MIPOL1: variants seen among roughly 807,000 people sequenced by gnomAD.
The protein encoded by MIPOL1 is mirror-image polydactyly gene 1 protein.
Under a neutral mutation model 60.9 loss-of-function variants are expected in MIPOL1, and 57 were observed. The observed-to-expected ratio is 0.94, with a 90% confidence interval of 0.76 to 1.17. The LOEUF (loss-of-function observed/expected upper bound fraction) is 1.17, where lower values mean the gene tolerates loss of function less well. Ranked by LOEUF, MIPOL1 falls within the 50% of genes most tolerant of loss-of-function variation. The probability of loss-of-function intolerance (pLI) is 0.00; values close to 1 mark genes in which losing one functional copy is unlikely to be tolerated. For synonymous variants in MIPOL1, 179 were observed against 168.8 expected (o/e 1.06, Z -0.47); for missense variants, 551 against 511.6 (o/e 1.08, Z -0.74).
chr14:37,235,185 T>G (rs192571557), intron 1 of MIPOL1, among the ~76,000 whole-genome samples: 1 of 152,130 alleles, frequency 6.6e-6, no homozygotes, highest in African/African-American at 2.4e-5. Flanking sequence ...TTGTTCTCTC[T>G]TGTTCCATAC....
At position 37,244,104 on chromosome 14, in the gene MIPOL1, C is replaced by CTTTTTTTTT. The variant is rs143933758; in HGVS notation, c.-198-2975_-198-2967dup. Among the ~76,000 whole-genome samples the CTTTTTTTTT allele has an allele frequency of 5.5e-3, 286 of 51,632 alleles. 105 individuals carry two copies. The highest frequency in any genetic ancestry group is 7.2e-3 in the Non-Finnish European group (213 of 29,568). The allele number at this position is 51,632 out of a possible 152,430, so 33.9% of individuals were successfully genotyped here. ...TTTTCTTCCATGTAAGACTCACTTC[C>CTTTTTTTTT]TTTTTTTTTTTTTTTTTTTTTTTTT... is the stretch of plus-strand genomic sequence containing the variant. On this transcript the variant is annotated intron_variant, in intron 1 of 12. Coordinates refer to ENST00000684589, the MANE Select transcript of MIPOL1 (RefSeq NM_001388067.1).
chr14:37,249,542 T>C (rs1328864299), intron 3 of MIPOL1, among the ~76,000 whole-genome samples: 1 of 152,210 alleles, frequency 6.6e-6, no homozygotes, highest in Admixed American at 6.6e-5. Context: ...GGGCTGCTTA[T>C]TATGAGTTTA....
chr14:37,340,748 A>G (rs2090509370), intron 9 of MIPOL1, among the ~76,000 whole-genome samples: 1 of 152,118 alleles, frequency 6.6e-6, no homozygotes, highest in African/African-American at 2.4e-5. Flanking sequence ...TGAAGCAGAA[A>G]CATATTTTTT....
chr14:37,287,063 C>A (rs2084632393), intron 7 of MIPOL1, among the ~76,000 whole-genome samples: 2 of 152,190 alleles, frequency 1.3e-5, no homozygotes, highest in African/African-American at 4.8e-5. Context: ...TGCTTCCTTG[C>A]TGTATAGCGA....
At chr14:37,307,114 A>G (rs1467637755) in intron 7 of MIPOL1, among the ~76,000 whole-genome samples, 3 of 151,786 alleles carry the variant, frequency 2.0e-5, no homozygotes, top group Non-Finnish European at 2.9e-5. Flanking sequence ...GGTGTCTTCT[A>G]TTATCTTTGG....
chr14:37,490,617 G>A (rs143657951), intron 11 of MIPOL1, among the ~76,000 whole-genome samples: 8 of 152,324 alleles, frequency 5.3e-5, no homozygotes, highest in East Asian at 1.9e-4. Context: ...TGTGGGTAGC[G>A]AAGACTATGG....
intron 11 of MIPOL1, among the ~76,000 whole-genome samples, chr14:37,497,696 T>A (rs965518461): frequency 1.3e-5 from 2 of 152,082 alleles, no homozygotes; most frequent in Non-Finnish European, 2.9e-5. Flanking sequence ...AATATACACA[T>A]ACATAAGACA....
At chr14:37,409,569 C>T (rs535188497) in intron 10 of MIPOL1, among the ~76,000 whole-genome samples, 17 of 152,238 alleles carry the variant, frequency 1.1e-4, no homozygotes, top group South Asian at 8.3e-4. Flanking sequence ...TGGTGAATCA[C>T]GAGGTCAAGA....
At chr14:37,507,838 A>G (rs1428324964) in intron 12 of MIPOL1, 4 of 152,190 alleles carry the variant, frequency 2.6e-5, no homozygotes, top group African/African-American at 9.6e-5. Flanking sequence ...GACAGATGAA[A>G]ACTTTTTTAT....
chr14:37,436,557 A>G (rs1213126653), intron 11 of MIPOL1, among the ~76,000 whole-genome samples: 1 of 152,248 alleles, frequency 6.6e-6, no homozygotes, highest in Non-Finnish European at 1.5e-5. Context: ...AATAAATGTT[A>G]AACATACAGT....
At chr14:37,291,262 C>G (rs1274792510) in intron 7 of MIPOL1, among the ~76,000 whole-genome samples, 1 of 152,032 alleles carries the variant, frequency 6.6e-6, no homozygotes, top group Non-Finnish European at 1.5e-5. Flanking sequence ...TGGTTTTCTA[C>G]TTTAGAGACT....
At chr14:37,289,991 G>T (rs1486310921) in intron 7 of MIPOL1, among the ~76,000 whole-genome samples, 1 of 152,138 alleles carries the variant, frequency 6.6e-6, no homozygotes, top group Non-Finnish European at 1.5e-5. Context: ...ATCACAGCAG[G>T]TGAATGAATT....
chr14:37,419,169 A>G (rs2093824957), intron 10 of MIPOL1, among the ~76,000 whole-genome samples: 1 of 152,192 alleles, frequency 6.6e-6, no homozygotes, highest in Non-Finnish European at 1.5e-5. Flanking sequence ...CAGTGGTATA[A>G]AAGAATAAAC....
chr14:37,303,828 CAGT>C lies in MIPOL1; in HGVS notation c.624-4227_624-4225del, dbSNP rs1219516378. 3.3e-5 allele frequency among the ~76,000 whole-genome samples: 5 copies of C among 151,748 alleles called. No individual in the cohort carries two copies. The East Asian group carries it at 9.7e-4, about 29-fold the overall frequency. Reference sequence around the variant, plus strand: ...TCATATAAATGCTTAAAACAATTAACAGTTAATCTGAAGAATTTTTGGTTCCTA... The same window carrying C: ...TCATATAAATGCTTAAAACAATTAACTAATCTGAAGAATTTTTGGTTCCTA... On this transcript the variant is annotated intron_variant, in intron 7 of 12. Transcript: ENST00000684589.
chr14:37,360,402 T>C (rs1170190630), intron 9 of MIPOL1, among the ~76,000 whole-genome samples: 1 of 152,192 alleles, frequency 6.6e-6, no homozygotes, highest in Non-Finnish European at 1.5e-5. Context: ...TGGTACTATC[T>C]CCTCTTCGTA....
At chr14:37,408,643 A>C (rs993015634) in intron 10 of MIPOL1, among the ~76,000 whole-genome samples, 6 of 152,194 alleles carry the variant, frequency 3.9e-5, no homozygotes, top group South Asian at 4.1e-4. Context: ...CAAAACAAAA[A>C]AAGTCAGGAA....
At chr14:37,203,781 A>G (rs1275155275) in intron 1 of MIPOL1, among the ~76,000 whole-genome samples, 2 of 151,978 alleles carry the variant, frequency 1.3e-5, no homozygotes, top group Admixed American at 6.6e-5. Flanking sequence ...AACCTCAGGC[A>G]TTTGTTTATT....
At chr14:37,419,941 ATGTT>A (rs2093841873) in intron 10 of MIPOL1, among the ~76,000 whole-genome samples, 1 of 151,900 alleles carries the variant, frequency 6.6e-6, no homozygotes, top group South Asian at 2.1e-4. Context: ...AGGTCTTGCT[ATGTT>A]GTCCAGGCTG....
chr14:37,480,616 A>T (rs185022093), intron 11 of MIPOL1, among the ~76,000 whole-genome samples: 45 of 152,288 alleles, frequency 3.0e-4, no homozygotes, highest in Admixed American at 2.5e-3. Flanking sequence ...AGCTGTAAAC[A>T]ATTAAAAGCC....
Sources: gnomAD v4.1 joint callset for allele counts (sites outside exome capture counted in the v4.1 genomes callset) on GRCh38, gnomAD v4.1.1 for gene constraint, MANE v1.5 for transcripts, NCBI Gene and HGNC (gene_info 2026-07-23, HGNC 2026-07-21) for gene names.